CADPS: variants seen among roughly 807,000 people sequenced by gnomAD.
CADPS encodes calcium-dependent secretion activator 1.
CADPS carries 57 observed loss-of-function variants against 167.3 expected under a neutral mutation model. The ratio of observed to expected loss-of-function variants is 0.34; its 90% CI spans 0.28 to 0.42. CADPS has a LOEUF of 0.42. Ranked by LOEUF, CADPS falls within the 20% of genes least tolerant of loss-of-function variation. CADPS has a pLI of 1.00. For synonymous variants in CADPS, 676 were observed against 635.3 expected (o/e 1.06, Z -0.96); for missense variants, 1,414 against 1,738.1 (o/e 0.81, Z 3.32).
chr3:62,598,765 C>CA (rs1411537593), intron 6 of CADPS, among the ~76,000 whole-genome samples: 5 of 152,152 alleles, frequency 3.3e-5, no homozygotes, highest in Non-Finnish European at 7.3e-5. Context: ...CTAATCAGGC[C>CA]ACCATGTTGC....
chr3:62,585,178 CACTT>C lies in CADPS; in HGVS notation c.1577+3_1577+6del, dbSNP rs2084325844. On this transcript the variant is annotated splice_donor_5th_base_variant and intron_variant, in intron 8 of 29. Coordinates refer to ENST00000383710, the MANE Select transcript of CADPS (RefSeq NM_003716.4). ...CCAAAACTGCTAGTTGGGGAAGAAACACTTACCCAGAATGCTTCATGTTTTGAGG... is the reference window on the plus strand; with the variant it reads ...CCAAAACTGCTAGTTGGGGAAGAAACACCCAGAATGCTTCATGTTTTGAGG... The C allele has an allele frequency of 6.2e-7, 1 of 1,612,772 alleles. No individual in the cohort carries two copies. The highest frequency in any genetic ancestry group is 1.1e-5 in the South Asian group (1 of 91,040).
At chr3:62,761,295 T>C (rs1487807736) in intron 2 of CADPS, among the ~76,000 whole-genome samples, 1 of 151,984 alleles carries the variant, frequency 6.6e-6, no homozygotes, top group Non-Finnish European at 1.5e-5. Context: ...TGCTAGCAAC[T>C]AAAGAAGTCT....
intron 3 of CADPS, among the ~76,000 whole-genome samples, chr3:62,669,592 G>A (rs1256919562): frequency 6.6e-6 from 1 of 152,152 alleles, no homozygotes; most frequent in Middle Eastern, 3.2e-3. Flanking sequence ...CGGTCAGCAG[G>A]TGCCCCCACT....
intron 17 of CADPS, among the ~76,000 whole-genome samples, chr3:62,507,519 C>A (rs2151457152): frequency 6.6e-6 from 1 of 151,874 alleles, no homozygotes; most frequent in East Asian, 1.9e-4. Flanking sequence ...GGATATTTAA[C>A]AAATATATAT....
rs115103481 is a variant in CADPS, at chr3:62,689,404, T to C, written c.889-27010A>G. ...AATGCCAAGAGAATAGGATGCCATC[T>C]TGAGGTTATGACCTCCAACTGCTGT... On this transcript the variant is annotated intron_variant, in intron 3 of 29. Transcript: ENST00000383710. 5.2e-3 allele frequency among the ~76,000 whole-genome samples: 789 copies of C among 152,212 alleles called. 10 individuals carry two copies. The highest frequency in any genetic ancestry group is 0.018 in the African/African-American group (735 of 41,510).
chr3:62,606,589 A>G (rs909763835), intron 6 of CADPS, among the ~76,000 whole-genome samples: 1 of 152,194 alleles, frequency 6.6e-6, no homozygotes, highest in Non-Finnish European at 1.5e-5. Flanking sequence ...TAAATTATCC[A>G]GTTTCAGGTA....
chr3:62,812,632 T>A lies in CADPS; in HGVS notation c.442-46648A>T, dbSNP rs866490931. On this transcript the variant is annotated intron_variant, in intron 1 of 29. Coordinates refer to ENST00000383710, the MANE Select transcript of CADPS (RefSeq NM_003716.4). ...CAGGCAACATGTGCTGTCTAGATAGTTCTACAGGCATTATGCAAGTCACTC... is the reference window on the plus strand; with the variant it reads ...CAGGCAACATGTGCTGTCTAGATAGATCTACAGGCATTATGCAAGTCACTC... Among the ~76,000 whole-genome samples the A allele has an allele frequency of 4.6e-5, 7 of 152,324 alleles. No individual in the cohort carries two copies. The Middle Eastern group carries it at 0.02, about 444-fold the overall frequency.
chr3:62,702,363 A>G (rs1163903065), intron 3 of CADPS, among the ~76,000 whole-genome samples: 2 of 152,158 alleles, frequency 1.3e-5, no homozygotes, highest in Non-Finnish European at 2.9e-5. Context: ...ATGAAGACCA[A>G]GGCTTAAGCT....
intron 26 of CADPS, among the ~76,000 whole-genome samples, chr3:62,456,968 G>C (rs545686970): frequency 6.6e-6 from 1 of 152,136 alleles, no homozygotes; most frequent in South Asian, 2.1e-4. Flanking sequence ...TGGAAACATT[G>C]AACCAGAAAG....
chr3:62,729,064 A>G (rs896858628), intron 3 of CADPS, among the ~76,000 whole-genome samples: 11 of 151,958 alleles, frequency 7.2e-5, no homozygotes, highest in Admixed American at 5.2e-4. Context: ...CTATCATTAC[A>G]TGCTTTTGTA....
chr3:62,688,531 G>C (rs2078513161), intron 3 of CADPS, among the ~76,000 whole-genome samples: 1 of 152,050 alleles, frequency 6.6e-6, no homozygotes, highest in Non-Finnish European at 1.5e-5. Context: ...GGAAGACTCA[G>C]GCTTTAAACT....
chr3:62,482,334 C>G (rs182549350), intron 21 of CADPS, among the ~76,000 whole-genome samples: 1 of 152,074 alleles, frequency 6.6e-6, no homozygotes, highest in Middle Eastern at 3.2e-3. Context: ...CTCAATCAGA[C>G]GTTAGACACC....
intron 3 of CADPS, among the ~76,000 whole-genome samples, chr3:62,682,721 T>C (rs972360799): frequency 2.0e-5 from 3 of 152,014 alleles, no homozygotes; most frequent in Non-Finnish European, 2.9e-5. Context: ...TTTCTCCAAA[T>C]GTTTATTAAG....
chr3:62,728,071 G>A (rs554229766), intron 3 of CADPS, among the ~76,000 whole-genome samples: 2 of 151,772 alleles, frequency 1.3e-5, no homozygotes, highest in Non-Finnish European at 2.9e-5. Flanking sequence ...TTTTTCAAGT[G>A]GGGAAATTGA....
rs1220171131 is a variant in CADPS, at chr3:62,691,901, C to T, written c.889-29507G>A. ...CACATTTACCTGTGGAACAAACCTG[C>T]ACATCCTGCACATGTACCCCTGAAC... On this transcript the variant is annotated intron_variant, in intron 3 of 29. Coordinates refer to ENST00000383710, the MANE Select transcript of CADPS (RefSeq NM_003716.4). 2.0e-5 allele frequency among the ~76,000 whole-genome samples: 3 copies of T among 151,960 alleles called. No individual in the cohort carries two copies. In the East Asian group the frequency reaches 5.8e-4, roughly 29 times the overall value.
In CADPS at chr3:62,574,031, C is replaced by T. The variant is rs193135384; in HGVS notation, c.1578-3093G>A. Among the ~76,000 whole-genome samples the T allele has an allele frequency of 1.9e-3, 296 of 152,296 alleles. 4 individuals carry two copies. In the South Asian group the frequency reaches 0.036, roughly 18 times the overall value. On this transcript the variant is annotated intron_variant, in intron 8 of 29. Coordinates refer to ENST00000383710, the MANE Select transcript of CADPS (RefSeq NM_003716.4). The stretch of plus-strand genomic sequence containing the variant: ...GAGATTTTAAAACACTGCATAAAAA[C>T]ATGTAATCCATTGCCAAGTTCTTCA...
chr3:62,808,363 A>G (rs570710892), intron 1 of CADPS, among the ~76,000 whole-genome samples: 1 of 152,236 alleles, frequency 6.6e-6, no homozygotes, highest in African/African-American at 2.4e-5. Flanking sequence ...AAAAAGTAAA[A>G]GTGGACAAAG....
At chr3:62,680,138 G>GA (rs1222660086) in intron 3 of CADPS, among the ~76,000 whole-genome samples, 1 of 151,854 alleles carries the variant, frequency 6.6e-6, no homozygotes, top group African/African-American at 2.4e-5. Context: ...AGTAGGCAAG[G>GA]AAAAAAAGGT....
chr3:62,548,230 A>G (rs539990607), intron 11 of CADPS, among the ~76,000 whole-genome samples: 33 of 152,210 alleles, frequency 2.2e-4, no homozygotes, highest in Non-Finnish European at 4.3e-4. Flanking sequence ...TTTAAAAAAA[A>G]CACACAACAA....
Sources: allele counts gnomAD v4.1 joint callset (sites outside exome capture counted in the v4.1 genomes callset), GRCh38; gene constraint gnomAD v4.1.1; transcripts MANE v1.5; gene names NCBI Gene and HGNC (gene_info 2026-07-23, HGNC 2026-07-21).